The following CLSTN2 variants were observed in gnomAD, a reference collection of about 807,000 sequenced individuals.
CLSTN2 encodes the protein calsyntenin 2, also known as calsyntenin-2.
Under a neutral mutation model 101.2 loss-of-function variants are expected in CLSTN2, and 48 were observed. The observed-to-expected ratio is 0.47, with a 90% CI of 0.38 to 0.60. The LOEUF (loss-of-function observed/expected upper bound fraction) is 0.60, where lower values mean the gene tolerates loss of function less well. Ranked by LOEUF, CLSTN2 falls within the 20% of genes least tolerant of loss-of-function variation. The pLI is 0.00. For missense variants in CLSTN2, 1,160 were observed against 1,238.2 expected, an observed-to-expected ratio of 0.94 and a Z score of 0.95; for synonymous variants, 481 against 463.6, an observed-to-expected ratio of 1.04 and a Z score of -0.48.
Position 140,570,521 on chromosome 3 carries a change from C to A in CLSTN2, c.*4268C>A, listed in dbSNP as rs988328374. 6.6e-6 allele frequency: 1 copy of A among 152,106 alleles called. No homozygotes were observed. Among genetic ancestry groups the A allele is most frequent in the Admixed American group, 6.6e-5 (1 of 15,256 alleles). The allele number at this position is 152,106 out of a possible 1,614,324, so 9.4% of individuals were successfully genotyped here. On this transcript the variant is annotated 3_prime_UTR_variant, in exon 17 of 17. Coordinates refer to ENST00000458420, the MANE Select transcript of CLSTN2 (RefSeq NM_022131.3). ...GTCCGAGGGGAGTTCTGGAACCAATCCCCTACAGATACTGAGGGATGACTG... is the reference window on the plus strand; with the variant it reads ...GTCCGAGGGGAGTTCTGGAACCAATACCCTACAGATACTGAGGGATGACTG...
chr3:140,235,345 A>G (rs1388851504), intron 2 of CLSTN2, among the ~76,000 whole-genome samples: 1 of 152,076 alleles, frequency 6.6e-6, no homozygotes, highest in Non-Finnish European at 1.5e-5. Context: ...CTTTCCACGA[A>G]GACTTTCCAG....
chr3:139,958,197 C>G (rs875027), intron 1 of CLSTN2, among the ~76,000 whole-genome samples: 73,391 of 151,902 alleles, frequency 0.48, 21,526 homozygotes, highest in East Asian at 0.67. Flanking sequence ...ACATTGTTGC[C>G]CCTTGGCAGG....
At chr3:140,086,981 A>G (rs991042085) in intron 1 of CLSTN2, among the ~76,000 whole-genome samples, 2 of 147,426 alleles carry the variant, frequency 1.4e-5, no homozygotes, top group Non-Finnish European at 3.0e-5. Context: ...CATTTAGAGA[A>G]CTTAAATATC....
intron 2 of CLSTN2, among the ~76,000 whole-genome samples, chr3:140,334,030 G>C (rs1024998461): frequency 2.6e-5 from 4 of 152,116 alleles, no homozygotes; most frequent in African/African-American, 9.7e-5. Flanking sequence ...AGAAGAAGGC[G>C]GGGGGTAGAA....
At chr3:140,019,005 G>C (rs1266666258) in intron 1 of CLSTN2, among the ~76,000 whole-genome samples, 1 of 152,144 alleles carries the variant, frequency 6.6e-6, no homozygotes, top group East Asian at 1.9e-4. Context: ...CTTCAAGAGA[G>C]GGTCTAATCA....
chr3:140,121,448 G>A (rs1437862392), intron 1 of CLSTN2, among the ~76,000 whole-genome samples: 1 of 152,180 alleles, frequency 6.6e-6, no homozygotes, highest in Non-Finnish European at 1.5e-5. Context: ...AGGGCATAGA[G>A]TAGATCTAGA....
At chr3:140,099,897 G>T (rs1306160841) in intron 1 of CLSTN2, among the ~76,000 whole-genome samples, 1 of 152,198 alleles carries the variant, frequency 6.6e-6, no homozygotes, top group East Asian at 1.9e-4. Context: ...TGGGTCACCT[G>T]TAAGATGTTC....
At chr3:140,397,762 T>C (rs1367557818) in intron 2 of CLSTN2, among the ~76,000 whole-genome samples, 1 of 152,210 alleles carries the variant, frequency 6.6e-6, no homozygotes, top group Non-Finnish European at 1.5e-5. Flanking sequence ...TGGGAGAACA[T>C]AAACATTCAG....
At chr3:140,411,204 G>A (rs779096395) in intron 4 of CLSTN2, among the ~76,000 whole-genome samples, 1 of 152,076 alleles carries the variant, frequency 6.6e-6, no homozygotes, top group Non-Finnish European at 1.5e-5. Flanking sequence ...TTAAGGACGT[G>A]AAAATAATAA....
At chr3:140,195,484 T>C (rs1454134665) in intron 2 of CLSTN2, among the ~76,000 whole-genome samples, 1 of 152,006 alleles carries the variant, frequency 6.6e-6, no homozygotes, top group African/African-American at 2.4e-5. Flanking sequence ...TAGTTTTACT[T>C]AGTGGGAAGA....
chr3:140,111,953 CT>C (rs1388256374), intron 1 of CLSTN2, among the ~76,000 whole-genome samples: 1 of 152,184 alleles, frequency 6.6e-6, no homozygotes, highest in East Asian at 1.9e-4. Context: ...AGCCAGTGGT[CT>C]GCAAAAATGG....
intron 1 of CLSTN2, among the ~76,000 whole-genome samples, chr3:140,003,908 G>C (rs545282695): frequency 1.3e-5 from 2 of 152,078 alleles, no homozygotes; most frequent in African/African-American, 2.4e-5. Context: ...GATTATCCAT[G>C]AGTCCATTTC....
intron 8 of CLSTN2, among the ~76,000 whole-genome samples, chr3:140,468,441 G>A (rs1933759910): frequency 6.6e-6 from 1 of 152,220 alleles, no homozygotes; most frequent in South Asian, 2.1e-4. Flanking sequence ...TGAAGATAAA[G>A]ATATAGTGAA....
rs1301184422 is a variant in CLSTN2 at position 140,427,207 on chromosome 3, G to GTATATA, written c.787+5945_787+5950dup. Among the ~76,000 whole-genome samples, 57 of 84,948 alleles carry GTATATA rather than the reference G, an allele frequency of 6.7e-4. 1 individual carries two copies. Among genetic ancestry groups the GTATATA allele is most frequent in the African/African-American group, 3.8e-3 (51 of 13,556 alleles). 55.7% of individuals were successfully genotyped at this position (84,948 alleles called of 152,430 possible). A position where few individuals can be genotyped will look rare whatever the true frequency, so the allele number is the denominator to read the frequency against. On this transcript the variant is annotated intron_variant, in intron 5 of 16. Transcript: ENST00000458420. ...AAAATATATATATATATATATATGTGTATATATATATATATATGTGTGTAT... is the reference window on the plus strand; with the variant it reads ...AAAATATATATATATATATATATGTGTATATATATATATATATATATATGTGTGTAT...
chr3:140,309,431 T>G (rs1559835157), intron 2 of CLSTN2, among the ~76,000 whole-genome samples: 1 of 152,104 alleles, frequency 6.6e-6, no homozygotes, highest in South Asian at 2.1e-4. Context: ...GGCTGGACAC[T>G]GGGTGTCTGT....
At chr3:140,045,295 T>C (rs1304502674) in intron 1 of CLSTN2, among the ~76,000 whole-genome samples, 3 of 152,240 alleles carry the variant, frequency 2.0e-5, no homozygotes, top group Admixed American at 6.5e-5. Flanking sequence ...CCATTCCTTC[T>C]AGATTTTCTA....
chr3:140,198,959 T>C (rs1019895324), intron 2 of CLSTN2, among the ~76,000 whole-genome samples: 2 of 152,158 alleles, frequency 1.3e-5, no homozygotes, highest in African/African-American at 4.8e-5. Flanking sequence ...GCTCTCAGCA[T>C]CTAGGGAGGT....
chr3:140,131,027 G>C (rs1243172390), intron 1 of CLSTN2, among the ~76,000 whole-genome samples: 2 of 152,020 alleles, frequency 1.3e-5, no homozygotes, highest in African/African-American at 4.8e-5. Context: ...CATGTTTTCT[G>C]AGTGTTTAAA....
chr3:140,462,361 C>A (rs967649126), intron 7 of CLSTN2, among the ~76,000 whole-genome samples: 19 of 152,122 alleles, frequency 1.2e-4, no homozygotes, highest in Non-Finnish European at 2.5e-4. Context: ...TTTAGATTGT[C>A]TCCTTTTAAA....
Sources: allele counts gnomAD v4.1 joint callset (sites outside exome capture counted in the v4.1 genomes callset), GRCh38; gene constraint gnomAD v4.1.1; transcripts MANE v1.5; gene names NCBI Gene and HGNC (gene_info 2026-07-23, HGNC 2026-07-21).